The following CEP89 variants were observed in gnomAD, a reference collection of about 807,000 sequenced individuals.
The protein encoded by CEP89 is centrosomal protein 89.
In CEP89, 95 loss-of-function variants were observed where a neutral mutation model predicts 97.6. The observed-to-expected ratio is 0.97, with a 90% CI of 0.82 to 1.15. CEP89 has a LOEUF of 1.15. Among genes scored for constraint, CEP89 ranks in the 50% most tolerant of loss-of-function variants. CEP89 has a pLI of 0.00. For synonymous variants in CEP89, 354 were observed against 349.1 expected (o/e 1.01, Z -0.16); for missense variants, 869 against 947.7 (o/e 0.92, Z 1.09).
chr19:32,879,661 G>A (rs1039109877), intron 18 of CEP89, among the ~76,000 whole-genome samples: 5 of 152,172 alleles, frequency 3.3e-5, no homozygotes, highest in Non-Finnish European at 5.9e-5. Context: ...TTCCCTCTAT[G>A]TTCTGCCCTT....
At chr19:32,899,659 T>A (rs1241878323) in intron 16 of CEP89, among the ~76,000 whole-genome samples, 198 bp downstream of exon 16, 1 of 152,180 alleles carries the variant, frequency 6.6e-6, no homozygotes, top group African/African-American at 2.4e-5. Flanking sequence ...TTATGAGTTG[T>A]AAGGAGTTCC....
chr19:32,961,807 C>T (rs1156478608), intron 2 of CEP89, among the ~76,000 whole-genome samples: 1 of 151,866 alleles, frequency 6.6e-6, no homozygotes, highest in Non-Finnish European at 1.5e-5. Flanking sequence ...CCACACCTGG[C>T]TAATTTTTAT....
intron 14 of CEP89, among the ~76,000 whole-genome samples, chr19:32,906,025 G>A (rs1969880490): frequency 6.6e-6 from 1 of 152,194 alleles, no homozygotes; most frequent in African/African-American, 2.4e-5. Context: ...GATCTACCAT[G>A]TCTATTTTGG....
intron 16 of CEP89, among the ~76,000 whole-genome samples, chr19:32,895,385 T>C (rs1367735242): frequency 6.6e-6 from 1 of 151,928 alleles, no homozygotes; most frequent in Admixed American, 6.6e-5. Flanking sequence ...AGCACACCAA[T>C]GGAAACAGAA....
intron 2 of CEP89, among the ~76,000 whole-genome samples, chr19:32,965,808 A>G (rs35389966): frequency 0.14 from 20,934 of 152,026 alleles, 1,473 homozygotes; most frequent in East Asian, 0.29. Flanking sequence ...GAAAGAGGTC[A>G]GGAGTTTGAG....
intron 13 of CEP89, among the ~76,000 whole-genome samples, chr19:32,916,094 T>C (rs1970121492): frequency 6.6e-6 from 1 of 151,770 alleles, no homozygotes; most frequent in Admixed American, 6.6e-5. Flanking sequence ...CTGGGTAACA[T>C]AGTGAGACCC....
At chr19:32,941,356 A>C (rs1483371690) in intron 5 of CEP89, among the ~76,000 whole-genome samples, 1 of 151,908 alleles carries the variant, frequency 6.6e-6, no homozygotes, top group East Asian at 1.9e-4. Flanking sequence ...CACAAAAATT[A>C]GCCGGGCATG....
chr19:32,899,714 C>T (rs997520685), intron 16 of CEP89, 143 bp downstream of exon 16: 2 of 703,636 alleles, frequency 2.8e-6, no homozygotes, highest in African/African-American at 1.8e-5. Flanking sequence ...ATCATAAAGT[C>T]GAAAATTCCT....
At chr19:32,922,599 G>C (rs943980881) in intron 12 of CEP89, among the ~76,000 whole-genome samples, 4 of 152,112 alleles carry the variant, frequency 2.6e-5, no homozygotes, top group Admixed American at 1.3e-4. Context: ...TATAATCCCA[G>C]CACTTTGGGA....
intron 9 of CEP89, among the ~76,000 whole-genome samples, chr19:32,930,944 G>A (rs963098426): frequency 6.6e-6 from 1 of 151,930 alleles, no homozygotes; most frequent in African/African-American, 2.4e-5. Flanking sequence ...GGAGTGTAGT[G>A]GCGCAATCTC....
At chr19:32,890,415 A>G (rs1447449784) in intron 16 of CEP89, among the ~76,000 whole-genome samples, 1 of 152,066 alleles carries the variant, frequency 6.6e-6, no homozygotes, top group Non-Finnish European at 1.5e-5. Flanking sequence ...CCAAACAAAC[A>G]AACAAACAAA....
At chr19:32,956,924 CTTCA>C (rs1971062034) in intron 3 of CEP89, among the ~76,000 whole-genome samples, 1 of 152,008 alleles carries the variant, frequency 6.6e-6, no homozygotes, top group Non-Finnish European at 1.5e-5. Flanking sequence ...GAGTATAGTC[CTTCA>C]TTCATTAGGA....
intron 2 of CEP89, among the ~76,000 whole-genome samples, chr19:32,960,651 T>C (rs1971147276): frequency 6.6e-6 from 1 of 151,508 alleles, no homozygotes; most frequent in South Asian, 2.1e-4. Flanking sequence ...CTACTAAAAA[T>C]ACAAAAAAAT....
chr19:32,913,059 T>A (rs929699961), intron 14 of CEP89, among the ~76,000 whole-genome samples: 29 of 147,332 alleles, frequency 2.0e-4, no homozygotes, highest in African/African-American at 6.2e-4. Context: ...TTAAAAAAAA[T>A]TTAAAAAATA....
At chr19:32,917,743 A>G in intron 13 of CEP89, 1 of 965,022 alleles carries the variant, frequency 1.0e-6, no homozygotes, top group Non-Finnish European at 1.2e-6. Context: ...AGATGGGAAG[A>G]GGGACACTCT....
chr19:32,886,931 T>A (rs1229165633), intron 17 of CEP89, among the ~76,000 whole-genome samples: 1 of 149,280 alleles, frequency 6.7e-6, no homozygotes, highest in Non-Finnish European at 1.5e-5. Context: ...TCCCAGCACT[T>A]TGGGAGGGCC....
chr19:32,967,227 C>T (rs10422403), intron 1 of CEP89, among the ~76,000 whole-genome samples: 74,526 of 151,956 alleles, frequency 0.49, 19,577 homozygotes, highest in African/African-American at 0.69. Context: ...ATCTCCAAGA[C>T]GAGAGTAATG....
In CEP89 at chr19:32,881,893, C is replaced by A; in HGVS notation, c.2086G>T (p.Val696Leu). The change falls in exon 18 of 19, where the codon GTG becomes TTG. Residue 696 changes from valine to leucine, a missense_variant. Val to Leu is a conservative substitution (Grantham distance 32). Transcript: ENST00000305768. ...YRQEMRHLHQ[V>L]LKDKQEVLDQ... ...AGCACCTCCTGCTTGTCCTTCAGCA[C>A]CTGGTGCAGGTGCCGCATCTCCTGC... The A allele has an allele frequency of 6.2e-7, 1 of 1,606,872 alleles. No individual in the cohort carries two copies. The highest frequency in any genetic ancestry group is 1.1e-5 in the South Asian group (1 of 90,266).
intron 16 of CEP89, among the ~76,000 whole-genome samples, chr19:32,891,106 C>T (rs1008705927): frequency 2.0e-5 from 3 of 152,142 alleles, no homozygotes; most frequent in Non-Finnish European, 4.4e-5. Flanking sequence ...GCAAGGGAGC[C>T]GAAGCAAGTG....
Sources: gnomAD v4.1 joint callset for allele counts (sites outside exome capture counted in the v4.1 genomes callset) on GRCh38, gnomAD v4.1.1 for gene constraint, MANE v1.5 for transcripts, NCBI Gene and HGNC (gene_info 2026-07-23, HGNC 2026-07-21) for gene names.